APC2: variants seen among roughly 807,000 people sequenced by gnomAD.
APC2 encodes the protein adenomatous polyposis coli protein 2.
A neutral mutation model predicts 72.5 loss-of-function variants in APC2; 41 were observed. The ratio of observed to expected loss-of-function variants is 0.57; its 90% CI spans 0.44 to 0.73. The LOEUF (loss-of-function observed/expected upper bound fraction) is 0.73, where lower values mean the gene tolerates loss of function less well. Ranked by LOEUF, APC2 falls within the 30% of genes least tolerant of loss-of-function variation. APC2 has a pLI of 0.00. For missense variants in APC2, 3,729 were observed against 3,403.4 expected, an observed-to-expected ratio of 1.10 and a Z score of -2.38; for synonymous variants, 1,898 against 1,612.0, an observed-to-expected ratio of 1.18 and a Z score of -4.25.
Position 1,468,231 on chromosome 19 carries a change from G to A in APC2, c.4930G>A (p.Val1644Met), listed in dbSNP as rs754509273. ...GGCCCTGCCCAGGCGCCGGCCCCCC[G>A]TGTCTGGCCTGCGGCGCCGCAAGCC... ...SSALPRRRPP[V>M]SGLRRRKPRA... Residue 1644 changes from valine to methionine, a missense_variant, in exon 15 of 15, where the codon GTG becomes ATG. Coordinates refer to ENST00000590469, the MANE Select transcript of APC2 (RefSeq NM_005883.3). 5 of 1,485,878 alleles carry A rather than the reference G, an allele frequency of 3.4e-6. No homozygotes were observed. The highest frequency in any genetic ancestry group is 1.3e-5 in the South Asian group (1 of 76,938). 92.0% of individuals were successfully genotyped at this position (1,485,878 alleles called of 1,614,324 possible).
At position 1,471,779 on chromosome 19, in the gene APC2, C is replaced by T. The variant is rs2084138562; in HGVS notation, c.*1566C>T. 1 of 152,322 alleles carries T rather than the reference C, an allele frequency of 6.6e-6. No homozygotes were observed. The highest frequency in any genetic ancestry group is 1.9e-4 in the East Asian group (1 of 5,198). The allele number at this position is 152,322 out of a possible 1,614,324, so 9.4% of individuals were successfully genotyped here. A position where few individuals can be genotyped will look rare whatever the true frequency, so the allele number is the denominator to read the frequency against. ...GACACCATCCCTCCCGTCCCATCCC[C>T]AGCATGGGCAAGGCCAGCCTTTCTG... On this transcript the variant is annotated 3_prime_UTR_variant, in exon 15 of 15. Transcript: ENST00000590469.
rs1355152864 is a variant in APC2, at chr19:1,468,817, G to A, written c.5516G>A (p.Arg1839Gln). Residue 1839 changes from arginine (R) to glutamine (Q), a missense_variant, in exon 15 of 15, where the codon CGG becomes CAG. Coordinates refer to ENST00000590469, the MANE Select transcript of APC2 (RefSeq NM_005883.3). ...PAKVPSPGQQ[R>Q]SRSLHRPAKT... ...AAAGTCCCGAGCCCCGGGCAGCAGCGGTCGCGGAGCCTACACCGGCCTGCC... is the reference window on the plus strand; with the variant it reads ...AAAGTCCCGAGCCCCGGGCAGCAGCAGTCGCGGAGCCTACACCGGCCTGCC... 3.2e-6 allele frequency: 5 copies of A among 1,541,356 alleles called. No homozygotes were observed. Among genetic ancestry groups the A allele is most frequent in the East Asian group, 4.9e-5 (2 of 41,076 alleles).
intron 13 of APC2, 129 bp downstream of exon 13, chr19:1,461,282 C>A: frequency 1.2e-6 from 1 of 800,808 alleles, no homozygotes; most frequent in Non-Finnish European, 2.1e-6. Context: ...GGTGGTCCAG[C>A]CTCAGACCGG....
chr19:1,457,558 C>T (rs1286157652), intron 9 of APC2: 9 of 509,522 alleles, frequency 1.8e-5, no homozygotes, highest in South Asian at 2.4e-5. Context: ...GGGGGCCGGG[C>T]GCTGTGACTC....
intron 9 of APC2, 29 bp from the exon 10 acceptor site, chr19:1,457,936 G>A (rs1252715032): frequency 6.6e-7 from 1 of 1,521,680 alleles, no homozygotes; most frequent in Non-Finnish European, 8.8e-7. Flanking sequence ...CTGGGAATGG[G>A]GGCTCTGATC....
Position 1,467,975 on chromosome 19 carries a change from C to T in APC2, c.4674C>T (p.Ala1558=), listed in dbSNP as rs750380001. The change falls in exon 15 of 15, where the codon GCC becomes GCT. Residue 1558 remains alanine, a synonymous_variant. Transcript: ENST00000590469. ...APAPSKAAPA[A]PPPARTQPSL... ...CCCCGTCCAAGGCTGCACCAGCTGCCCCGCCGCCCGCCCGGACCCAGCCCA... is the reference window on the plus strand; with the variant it reads ...CCCCGTCCAAGGCTGCACCAGCTGCTCCGCCGCCCGCCCGGACCCAGCCCA... 8 of 1,579,352 alleles carry T rather than the reference C, an allele frequency of 5.1e-6. No homozygotes were observed. The highest frequency in any genetic ancestry group is 6.0e-6 in the Non-Finnish European group (7 of 1,172,082).
chr19:1,465,591 C>A lies in APC2; in HGVS notation c.2290C>A (p.Leu764Met). 1 of 1,582,446 alleles carries A rather than the reference C, an allele frequency of 6.3e-7. No homozygotes were observed. Among genetic ancestry groups the A allele is most frequent in the Non-Finnish European group, 8.6e-7 (1 of 1,166,038 alleles). ...GAAGCCGCTGCCGCCCCTGCGACACCTGGACGGCCTGGCCCAAGACTATGC... is the reference window on the plus strand; with the variant it reads ...GAAGCCGCTGCCGCCCCTGCGACACATGGACGGCCTGGCCCAAGACTATGC... ...TKKPLPPLRH[L>M]DGLAQDYASD... The change falls in exon 15 of 15, where the codon CTG becomes ATG. Residue 764 changes from leucine to methionine, a missense_variant. By Grantham distance (15) the Leu-to-Met change is conservative (BLOSUM62 2). Coordinates refer to ENST00000590469, the MANE Select transcript of APC2 (RefSeq NM_005883.3).
Position 1,468,015 on chromosome 19 carries a change from G to C in APC2, c.4714G>C (p.Glu1572Gln). Residue 1572 changes from glutamate (E) to glutamine (Q), a missense_variant, in exon 15 of 15, where the codon GAG becomes CAG. Glu to Gln is a conservative substitution (Grantham distance 29). Transcript: ENST00000590469. Reference protein sequence around the residue: ...ARTQPSLIADETPPCYSLSSS... With the variant: ...ARTQPSLIADQTPPCYSLSSS... ...GACCCAGCCCAGCCTCATTGCTGAC[G>C]AGACCCCGCCCTGCTACTCCCTGAG... 6.3e-7 allele frequency: 1 copy of C among 1,586,370 alleles called. No individual in the cohort carries two copies. The highest frequency in any genetic ancestry group is 8.5e-7 in the Non-Finnish European group (1 of 1,174,960).
Position 1,455,217 on chromosome 19 carries a change from G to C in APC2, c.482G>C (p.Gly161Ala), listed in dbSNP as rs894663477. Residue 161 changes from glycine (G) to alanine (A), a missense_variant, in exon 5 of 15, where the codon GGC (glycine) becomes GCC (alanine). By Grantham distance (60) the Gly-to-Ala change is moderately conservative (BLOSUM62 0). Coordinates refer to ENST00000590469, the MANE Select transcript of APC2 (RefSeq NM_005883.3). The stretch of plus-strand genomic sequence containing the variant: ...CTCTGGTACTACTCTCAGCTGCAGG[G>C]CCTGTCCAAGCGCCTGGACGAGCTG... ...EKLWYYSQLQGLSKRLDELPH... is the reference protein window; with the variant it reads ...EKLWYYSQLQALSKRLDELPH... 1.9e-6 allele frequency: 3 copies of C among 1,582,882 alleles called. No homozygotes were observed. In the African/African-American group the frequency reaches 4.1e-5, roughly 22 times the overall value.
rs1413789228 is a variant in APC2, at chr19:1,466,116, C to A, written c.2815C>A (p.Arg939Ser). The change falls in exon 15 of 15, where the codon CGC becomes AGC. Residue 939 changes from arginine to serine, a missense_variant. Physicochemically the swap from Arg to Ser is moderately radical, Grantham distance 110 (BLOSUM62 -1). Coordinates refer to ENST00000590469, the MANE Select transcript of APC2 (RefSeq NM_005883.3). The stretch of plus-strand genomic sequence containing the variant: ...CAGTGCCAGCGACGGGTACTGCCCA[C>A]GCGAACATATGCTGCCCTGCCCGCT... ...SGSASDGYCP[R>S]EHMLPCPLAA... is the part of the protein sequence containing the mutation. 1 of 1,563,936 alleles carries A rather than the reference C, an allele frequency of 6.4e-7. No individual in the cohort carries two copies. The highest frequency in any genetic ancestry group is 1.2e-5 in the South Asian group (1 of 86,536).
rs1441742913 is a variant in APC2, at chr19:1,469,479, C to T, written c.6178C>T (p.Arg2060Trp). The change falls in exon 15 of 15, where the codon CGG becomes TGG. Residue 2060 changes from arginine to tryptophan, a missense_variant. Transcript: ENST00000590469. ...PRQGPAPARQ[R>W]PPAARPSPGE... is the part of the protein sequence containing the mutation. Reference sequence around the variant, plus strand: ...GCAGGGCCCGGCCCCGGCCCGGCAGCGGCCCCCCGCGGCCCGACCCAGCCC... The same window carrying T: ...GCAGGGCCCGGCCCCGGCCCGGCAGTGGCCCCCCGCGGCCCGACCCAGCCC... 3 of 1,100,642 alleles carry T rather than the reference C, an allele frequency of 2.7e-6. No individual in the cohort carries two copies. Among genetic ancestry groups the T allele is most frequent in the Non-Finnish European group, 3.3e-6 (3 of 908,604 alleles). 68.2% of individuals were successfully genotyped at this position (1,100,642 alleles called of 1,614,324 possible).
Position 1,468,077 on chromosome 19 carries a change from G to A in APC2, c.4776G>A (p.Ser1592=), listed in dbSNP as rs757776886. Reference sequence around the variant, plus strand: ...GCTCCCTCAGCGAGCCCGAGCCCTCGGAGCCGCCGGCCGTCCATCCACGAG... The same window carrying A: ...GCTCCCTCAGCGAGCCCGAGCCCTCAGAGCCGCCGGCCGTCCATCCACGAG... ...SASSLSEPEP[S]EPPAVHPRGR... The change falls in exon 15 of 15, where the codon TCG becomes TCA. Residue 1592 remains serine, a synonymous_variant. Coordinates refer to ENST00000590469, the MANE Select transcript of APC2 (RefSeq NM_005883.3). 3 of 1,554,630 alleles carry A rather than the reference G, an allele frequency of 1.9e-6. No homozygotes were observed. Among genetic ancestry groups the A allele is most frequent in the East Asian group, 5.0e-5 (2 of 40,250 alleles).
intron 10 of APC2, among the ~76,000 whole-genome samples, chr19:1,459,052 C>A (rs2083883484): frequency 6.6e-6 from 1 of 152,100 alleles, no homozygotes; most frequent in African/African-American, 2.4e-5. Flanking sequence ...CCCTGGCACC[C>A]ACCCCCATCC....
chr19:1,448,710 G>A (rs1244578176), upstream of APC2, among the ~76,000 whole-genome samples: 8 of 151,656 alleles, frequency 5.3e-5, no homozygotes, highest in East Asian at 1.9e-4. Flanking sequence ...TGGGCGTGGT[G>A]GCGGGCGCCT....
rs146846351 is a variant in APC2 at position 1,461,126 on chromosome 19, G to A, written c.1611G>A (p.Leu537=). 1,718 of 1,612,092 alleles carry A rather than the reference G, an allele frequency of 1.1e-3. 27 individuals are homozygous for A. In the East Asian group the frequency reaches 0.031, roughly 29 times the overall value. The change falls in exon 13 of 15, where the codon CTG becomes CTA. Residue 537 remains leucine, a synonymous_variant. Transcript: ENST00000590469. ...VLREAGSVTA[L]VQCVLRATKE... is the part of the protein sequence containing the mutation. Reference sequence around the variant, plus strand: ...GGGAGGCGGGCAGCGTGACTGCCCTGGTGCAGTGTGTCCTGCGGGCCACCA... The same window carrying A: ...GGGAGGCGGGCAGCGTGACTGCCCTAGTGCAGTGTGTCCTGCGGGCCACCA...
intron 6 of APC2, among the ~76,000 whole-genome samples, chr19:1,455,716 G>C (rs1160301951): frequency 1.3e-5 from 2 of 152,058 alleles, no homozygotes; most frequent in East Asian, 1.9e-4. Context: ...AAGGGCGGTG[G>C]GGTGCGACAG....
rs1322857602 is a variant in APC2 at position 1,470,997 on chromosome 19, TGAC to T, written c.*785_*787del. On this transcript the variant is annotated 3_prime_UTR_variant, in exon 15 of 15. Coordinates refer to ENST00000590469, the MANE Select transcript of APC2 (RefSeq NM_005883.3). ...ACCCTGGTGCAGACGCCGGGCCGGC[TGAC>T]ATTTGGACCCCATCCCAGAGGAGAT... is the stretch of plus-strand genomic sequence containing the variant. 2 of 152,140 alleles carry T rather than the reference TGAC, an allele frequency of 1.3e-5. No individual in the cohort carries two copies. Among genetic ancestry groups the T allele is most frequent in the Non-Finnish European group, 2.9e-5 (2 of 68,032 alleles). The allele number at this position is 152,140 out of a possible 1,614,324, so 9.4% of individuals were successfully genotyped here.
chr19:1,446,436 G>A (rs894300751), upstream of APC2: 1 of 898,946 alleles, frequency 1.1e-6, no homozygotes, highest in African/African-American at 1.8e-5. This position sits in a 1 kb window ranked among gnomAD's most constrained non-coding sequence, Gnocchi z 6.1. Context: ...CGGCGGCGGG[G>A]GGCGCATGGG....
chr19:1,460,988 G>A, intron 12 of APC2, 49 bp from the exon 13 acceptor site: 1 of 1,604,552 alleles, frequency 6.2e-7, no homozygotes, highest in Admixed American at 1.7e-5. Context: ...TGGGGGGTTT[G>A]GGGGGCCTGG....
Sources: gnomAD v4.1 joint callset for allele counts (sites outside exome capture counted in the v4.1 genomes callset) on GRCh38, gnomAD v4.1.1 for gene constraint, Gnocchi (gnomAD v3.1) non-coding constraint, MANE v1.5 for transcripts, NCBI Gene and HGNC (gene_info 2026-07-23, HGNC 2026-07-21) for gene names.